Variants in DDC observed in about 807,000 individuals in gnomAD.
DDC encodes the protein dopa decarboxylase, also known as aromatic-L-amino-acid decarboxylase.
Under a neutral mutation model 60.0 loss-of-function variants are expected in DDC, and 43 were observed. The observed-to-expected ratio is 0.72, with a 90% CI of 0.56 to 0.92. The LOEUF (loss-of-function observed/expected upper bound fraction) is 0.92, where lower values mean the gene tolerates loss of function less well. Ranked by LOEUF, DDC falls within the 40% of genes least tolerant of loss-of-function variation. The probability of loss-of-function intolerance (pLI) is 0.00; values close to 1 mark genes in which losing one functional copy is unlikely to be tolerated. For missense variants in DDC, 573 were observed against 620.2 expected (o/e 0.92, Z 0.81); for synonymous variants, 232 against 234.6 (o/e 0.99, Z 0.10).
At position 50,463,195 on chromosome 7, in the gene DDC, G is replaced by T; in HGVS notation, c.*18+18C>A. The T allele has an allele frequency of 6.4e-7, 1 of 1,570,992 alleles. No individual in the cohort carries two copies. The highest frequency in any genetic ancestry group is 1.2e-5 in the South Asian group (1 of 86,288). On this transcript the variant is annotated intron_variant, in intron 14 of 14. Coordinates refer to ENST00000444124, the MANE Select transcript of DDC (RefSeq NM_001082971.2). ...CGGGACAAGGAGACAGGCAGAAAAT[G>T]AGCCCAGGGCAGCCTACCTGCAGCT...
chr7:50,549,552 G>T (rs921225764), intron 1 of DDC, among the ~76,000 whole-genome samples: 1 of 151,990 alleles, frequency 6.6e-6, no homozygotes, highest in Admixed American at 6.6e-5. Context: ...TACTCGGGAG[G>T]CTGAGGCAAC....
intron 3 of DDC, 110 bp downstream of exon 3, chr7:50,539,805 C>A: frequency 1.3e-6 from 1 of 794,828 alleles, no homozygotes; most frequent in South Asian, 1.5e-5. Context: ...CCCGTCTGCC[C>A]ACAGACAGCA....
At chr7:50,509,778 T>C (rs1412601145) in intron 6 of DDC, among the ~76,000 whole-genome samples, 1 of 152,240 alleles carries the variant, frequency 6.6e-6, no homozygotes, top group Admixed American at 6.5e-5. Flanking sequence ...TTATGTTTAA[T>C]AACTCTTTAT....
intron 1 of DDC, among the ~76,000 whole-genome samples, chr7:50,548,284 T>C (rs2044871811): frequency 6.6e-6 from 1 of 152,200 alleles, no homozygotes; most frequent in African/African-American, 2.4e-5. Context: ...TCTCTCACTT[T>C]AAATCAAAAG....
At chr7:50,504,116 C>A in intron 6 of DDC, 57 bp from the exon 7 acceptor site, 1 of 1,271,500 alleles carries the variant, frequency 7.9e-7, no homozygotes, top group Non-Finnish European at 1.2e-6. Context: ...ACCGCTGTAA[C>A]CTCCACACAA....
intron 6 of DDC, among the ~76,000 whole-genome samples, chr7:50,516,610 A>G (rs2043738708): frequency 6.6e-6 from 1 of 152,158 alleles, no homozygotes. Context: ...GAAACAAAAA[A>G]AAAATACAAA....
chr7:50,481,544 T>C (rs1257127706), intron 9 of DDC, among the ~76,000 whole-genome samples: 2 of 152,222 alleles, frequency 1.3e-5, no homozygotes, highest in Admixed American at 6.5e-5. Flanking sequence ...TTTTTTAATT[T>C]AAAAAATTTT....
At chr7:50,532,318 G>C (rs1190427318) in intron 4 of DDC, among the ~76,000 whole-genome samples, 1 of 152,192 alleles carries the variant, frequency 6.6e-6, no homozygotes, top group African/African-American at 2.4e-5. Flanking sequence ...GTTAAAGCGG[G>C]GGCTGAGAGA....
At chr7:50,493,539 TA>T (rs1229405174) in intron 9 of DDC, among the ~76,000 whole-genome samples, 1 of 152,200 alleles carries the variant, frequency 6.6e-6, no homozygotes, top group Non-Finnish European at 1.5e-5. Flanking sequence ...CAATCAAAAT[TA>T]CCCCTCGAAT....
chr7:50,520,069 T>C (rs1451368), intron 6 of DDC, among the ~76,000 whole-genome samples: 106,725 of 152,064 alleles, frequency 0.7, 37,891 homozygotes, highest in East Asian at 0.8. Context: ...ATAAACTCAC[T>C]CTTATAGTTG....
intron 2 of DDC, chr7:50,541,475 G>A (rs79560300): frequency 0.049 from 7,515 of 152,314 alleles, 277 homozygotes; most frequent in African/African-American, 0.1. Flanking sequence ...AAGGGACAGC[G>A]TCTTTGGGAG....
chr7:50,535,417 G>A (rs953081373), intron 4 of DDC, among the ~76,000 whole-genome samples: 4 of 152,228 alleles, frequency 2.6e-5, no homozygotes, highest in Admixed American at 6.5e-5. Context: ...AAAGTGCTGG[G>A]ATTACAGGCG....
chr7:50,562,518 T>C (rs1435648023), intron 1 of DDC, among the ~76,000 whole-genome samples: 2 of 152,192 alleles, frequency 1.3e-5, no homozygotes, highest in African/African-American at 4.8e-5. Context: ...GAGGGGACAG[T>C]GTCAAGCTGG....
At chr7:50,555,608 T>A (rs1204399248) in intron 1 of DDC, among the ~76,000 whole-genome samples, 3 of 152,200 alleles carry the variant, frequency 2.0e-5, no homozygotes, top group Non-Finnish European at 4.4e-5. Context: ...ACCCGGGTGT[T>A]CTTGTTTAAA....
At chr7:50,513,138 G>A (rs2100280) in intron 6 of DDC, among the ~76,000 whole-genome samples, 110,548 of 151,996 alleles carry the variant, frequency 0.73, 40,503 homozygotes, top group East Asian at 0.8. Context: ...GTCTCAGGAG[G>A]CACCCTAAGT....
rs541659859 is a variant in DDC, at chr7:50,535,947, G to A, written c.435+1913C>T. 5.3e-5 allele frequency among the ~76,000 whole-genome samples: 8 copies of A among 152,240 alleles called. No homozygotes were observed. The South Asian group carries it at 1.0e-3, about 20-fold the overall frequency. On this transcript the variant is annotated intron_variant, in intron 4 of 14. Coordinates refer to ENST00000444124, the MANE Select transcript of DDC (RefSeq NM_001082971.2). ...CTTATATGTGGTCACAAGGAGATGC[G>A]ACCAGGAAAGTGTGAAAGGAAAATA...
At chr7:50,459,349 C>T (rs537911628) in intron 14 of DDC, among the ~76,000 whole-genome samples, 37 of 152,372 alleles carry the variant, frequency 2.4e-4, no homozygotes, top group African/African-American at 8.2e-4. Context: ...TCCCAAAGTG[C>T]CGAGATTACA....
intron 9 of DDC, chr7:50,493,079 C>A: frequency 2.4e-6 from 3 of 1,243,298 alleles, no homozygotes; most frequent in Non-Finnish European, 3.4e-6. Flanking sequence ...ATTAGGGACC[C>A]AAAATATTTC....
chr7:50,552,838 C>G (rs1011311227), intron 1 of DDC, among the ~76,000 whole-genome samples: 1 of 152,156 alleles, frequency 6.6e-6, no homozygotes, highest in African/African-American at 2.4e-5. Context: ...AATCACCAGC[C>G]CCTCACATAT....
Sources: gnomAD v4.1 joint callset for allele counts (sites outside exome capture counted in the v4.1 genomes callset) on GRCh38, gnomAD v4.1.1 for gene constraint, MANE v1.5 for transcripts, NCBI Gene and HGNC (gene_info 2026-07-23, HGNC 2026-07-21) for gene names.